The following PRKCQ variants were observed in gnomAD, a reference collection of about 807,000 sequenced individuals.
The protein encoded by PRKCQ is protein kinase C theta type.
In PRKCQ, 41 loss-of-function variants were observed where a neutral mutation model predicts 91.2. The observed-to-expected ratio is 0.45, with a 90% CI of 0.35 to 0.58. The LOEUF is 0.58. Among genes scored for constraint, PRKCQ ranks in the 20% least tolerant of loss-of-function variants. The probability of loss-of-function intolerance (pLI) is 0.00; values close to 1 mark genes in which losing one functional copy is unlikely to be tolerated. For synonymous variants in PRKCQ, 307 were observed against 316.9 expected, an observed-to-expected ratio of 0.97 and a Z score of 0.33; for missense variants, 673 against 896.5, an observed-to-expected ratio of 0.75 and a Z score of 3.18.
In PRKCQ at chr10:6,465,466, A is replaced by AT. The variant is rs369800768; in HGVS notation, c.1354-1063dup. Among the ~76,000 whole-genome samples, 26 of 151,760 alleles carry AT rather than the reference A, an allele frequency of 1.7e-4. No individual in the cohort carries two copies. The highest frequency in any genetic ancestry group is 2.9e-4 in the Non-Finnish European group (20 of 67,890). ...CTCAGCAACTCAATGATGTGAGACA[A>AT]TTTTTTTTTCCAATAAATGTATTTA... On this transcript the variant is annotated intron_variant, in intron 12 of 17. Coordinates refer to ENST00000263125, the MANE Select transcript of PRKCQ (RefSeq NM_006257.5). This position sits in a 1 kb window ranked among gnomAD's most constrained non-coding sequence, Gnocchi z 4.4.
chr10:6,461,245 C>T (rs1739989451), intron 14 of PRKCQ, among the ~76,000 whole-genome samples: 1 of 151,958 alleles, frequency 6.6e-6, no homozygotes, highest in Admixed American at 6.6e-5. Context: ...ATCTGTTCAT[C>T]CATTCATCCA....
intron 7 of PRKCQ, among the ~76,000 whole-genome samples, chr10:6,493,419 G>A (rs1404515056): frequency 6.6e-6 from 1 of 152,172 alleles, no homozygotes; most frequent in African/African-American, 2.4e-5. Context: ...ACTTGGAAAT[G>A]TAAAATTACA....
At chr10:6,512,009 T>C (rs1838499642) in intron 2 of PRKCQ, among the ~76,000 whole-genome samples, 1 of 152,248 alleles carries the variant, frequency 6.6e-6, no homozygotes, top group Admixed American at 6.5e-5. Context: ...TTCTCCTTTA[T>C]TAATCTGTAG....
In PRKCQ at chr10:6,480,269, C is replaced by T. The variant is rs74112632; in HGVS notation, c.1180-1104G>A. Among the ~76,000 whole-genome samples, 725 of 152,262 alleles carry T rather than the reference C, an allele frequency of 4.8e-3. 1 individual carries two copies. Among genetic ancestry groups the T allele is most frequent in the African/African-American group, 0.017 (701 of 41,532 alleles). ...GTATTATCTAATTTAATTCTTAGCT[C>T]ATCACACTCTGCAAGACAGAAGTTA... On this transcript the variant is annotated intron_variant, in intron 11 of 17. Transcript: ENST00000263125.
intron 15 of PRKCQ, among the ~76,000 whole-genome samples, chr10:6,446,662 G>A (rs118190892): frequency 0.016 from 2,423 of 152,094 alleles, 31 homozygotes; most frequent in Admixed American, 0.028. Context: ...CACCATGCCC[G>A]GCCCATGCCC....
rs866158330 is a variant in PRKCQ at position 6,517,612 on chromosome 10, T to G, written c.-9-2468A>C. 9.6e-3 allele frequency among the ~76,000 whole-genome samples: 1,391 copies of G among 145,188 alleles called. 66 individuals carry two copies. The highest frequency in any genetic ancestry group is 0.033 in the African/African-American group (1,304 of 39,326). On this transcript the variant is annotated intron_variant, in intron 1 of 17. Transcript: ENST00000263125. The stretch of plus-strand genomic sequence containing the variant: ...TCTTTTTTTTTTTTTTTTTTTTTTT[T>G]TTTTTTTTTTACAACCTTTCCCAGA...
At chr10:6,449,135 G>A (rs1471277192) in intron 15 of PRKCQ, among the ~76,000 whole-genome samples, 16 of 151,914 alleles carry the variant, frequency 1.1e-4, no homozygotes, top group Admixed American at 9.2e-4. Context: ...AAACTACTCC[G>A]AGCTACAGGA....
At chr10:6,448,600 G>C (rs1043124214) in intron 15 of PRKCQ, among the ~76,000 whole-genome samples, 1 of 152,010 alleles carries the variant, frequency 6.6e-6, no homozygotes, top group Non-Finnish European at 1.5e-5. Flanking sequence ...GTAGAGACGG[G>C]GTTTCACCGT....
intron 1 of PRKCQ, among the ~76,000 whole-genome samples, chr10:6,518,852 A>G (rs1263066646): frequency 6.6e-6 from 1 of 152,216 alleles, no homozygotes; most frequent in Non-Finnish European, 1.5e-5. Context: ...AAAATATATA[A>G]TAAAAACAAT....
chr10:6,464,949 C>T (rs1269598959), intron 12 of PRKCQ, among the ~76,000 whole-genome samples: 3 of 152,084 alleles, frequency 2.0e-5, no homozygotes, highest in Non-Finnish European at 2.9e-5. Flanking sequence ...TAGATGCTTG[C>T]GTGTTACAAC....
At chr10:6,429,277 G>A (rs1833285662) in intron 17 of PRKCQ, among the ~76,000 whole-genome samples, 1 of 152,202 alleles carries the variant, frequency 6.6e-6, no homozygotes, top group Admixed American at 6.5e-5. Flanking sequence ...AATCTGCAGT[G>A]GAAGGTGAGA....
Position 6,576,538 on chromosome 10 carries a change from TGA to T in PRKCQ, c.-10+3671_-10+3672del, listed in dbSNP as rs1841244050. 6.6e-6 allele frequency among the ~76,000 whole-genome samples: 1 copy of T among 152,128 alleles called. No homozygotes were observed. The highest frequency in any genetic ancestry group is 2.4e-5 in the African/African-American group (1 of 41,418). On this transcript the variant is annotated intron_variant, in intron 1 of 17. Transcript: ENST00000263125. The surrounding 1 kb of genome is among the most constrained non-coding windows in gnomAD (Gnocchi z 4.2). ...AAGTAGAAGGGTGGCTGCCAGGGGC[TGA>T]GAGGAAAGACGGATGAGGAACGAAT...
At chr10:6,463,817 C>T (rs1331969785) in intron 13 of PRKCQ, among the ~76,000 whole-genome samples, 1 of 152,176 alleles carries the variant, frequency 6.6e-6, no homozygotes, top group Non-Finnish European at 1.5e-5. Flanking sequence ...GGTGCAGTCC[C>T]ACCAGGTACA....
chr10:6,398,329 T>G, the PRKCQ span, among the ~76,000 whole-genome samples: 25 of 152,334 alleles, frequency 1.6e-4, no homozygotes, highest in East Asian at 4.8e-3. Context: ...GTCTTCCAAC[T>G]TAGTTCTTCA....
the PRKCQ span, among the ~76,000 whole-genome samples, chr10:6,413,072 C>G: frequency 1.3e-5 from 2 of 152,190 alleles, no homozygotes; most frequent in African/African-American, 4.8e-5. Context: ...CCTGCCTCAG[C>G]CTCCTGAATA....
intron 1 of PRKCQ, among the ~76,000 whole-genome samples, chr10:6,522,732 G>T (rs192045771): frequency 3.3e-5 from 5 of 152,260 alleles, no homozygotes; most frequent in African/African-American, 1.2e-4. Context: ...GAGTCTCACA[G>T]AATTAAAATA....
At chr10:6,421,185 A>C in the PRKCQ span, among the ~76,000 whole-genome samples, 3 of 152,098 alleles carry the variant, frequency 2.0e-5, no homozygotes, top group African/African-American at 7.2e-5. The surrounding 1 kb of genome is among the most constrained non-coding windows in gnomAD (Gnocchi z 4.1). Flanking sequence ...AGTGTTTCTG[A>C]AGATAATAAT....
In PRKCQ at chr10:6,544,500, A is replaced by C. The variant is rs535038711; in HGVS notation, c.-9-29356T>G. Among the ~76,000 whole-genome samples, 24 of 152,290 alleles carry C rather than the reference A, an allele frequency of 1.6e-4. No individual in the cohort carries two copies. In the East Asian group the frequency reaches 4.6e-3, roughly 29 times the overall value. The stretch of plus-strand genomic sequence containing the variant: ...TTAGGCCAAGGACATTGATAAATGG[A>C]GATAACTGGAAACTGGGTCTTCACT... On this transcript the variant is annotated intron_variant, in intron 1 of 17. Coordinates refer to ENST00000263125, the MANE Select transcript of PRKCQ (RefSeq NM_006257.5).
At chr10:6,397,596 A>G in the PRKCQ span, among the ~76,000 whole-genome samples, 1 of 152,028 alleles carries the variant, frequency 6.6e-6, no homozygotes, top group Admixed American at 6.5e-5. Context: ...ATCAACTTTT[A>G]CCTCTAGCTT....
Sources: allele counts gnomAD v4.1 joint callset (sites outside exome capture counted in the v4.1 genomes callset), GRCh38; gene constraint gnomAD v4.1.1; non-coding constraint Gnocchi (gnomAD v3.1); transcripts MANE v1.5; gene names NCBI Gene and HGNC (gene_info 2026-07-23, HGNC 2026-07-21).